The following CHN2 variants were observed in gnomAD, a reference collection of about 807,000 sequenced individuals.
CHN2 encodes the protein chimerin 2, also known as beta-chimaerin.
CHN2 carries 35 observed loss-of-function variants against 56.3 expected under a neutral mutation model. That is an observed-to-expected ratio of 0.62 (90% CI 0.47 to 0.82). The LOEUF is 0.82. Among genes scored for constraint, CHN2 ranks in the 40% least tolerant of loss-of-function variants. The pLI is 0.00. For synonymous variants in CHN2, 210 were observed against 212.8 expected, an observed-to-expected ratio of 0.99 and a Z score of 0.12; for missense variants, 491 against 580.5, an observed-to-expected ratio of 0.85 and a Z score of 1.58.
intron 1 of CHN2, among the ~76,000 whole-genome samples, chr7:29,339,364 C>A (rs531725646): frequency 6.6e-6 from 1 of 152,216 alleles, no homozygotes; most frequent in African/African-American, 2.4e-5. Flanking sequence ...ACAACCTCAG[C>A]CCTTAGCAGT....
chr7:29,334,334 A>G (rs1796453616), intron 1 of CHN2, among the ~76,000 whole-genome samples: 1 of 152,160 alleles, frequency 6.6e-6, no homozygotes, highest in East Asian at 1.9e-4. Context: ...CCTAAATTCA[A>G]TTTCATAGTG....
intron 1 of CHN2, among the ~76,000 whole-genome samples, chr7:29,221,158 G>A (rs768232451): frequency 6.6e-6 from 1 of 152,134 alleles, no homozygotes; most frequent in Non-Finnish European, 1.5e-5. Flanking sequence ...ATTTCTCCGA[G>A]TTTGGGAACA....
At chr7:29,266,432 C>T (rs1395754634) in intron 1 of CHN2, among the ~76,000 whole-genome samples, 2 of 152,174 alleles carry the variant, frequency 1.3e-5, no homozygotes, top group Non-Finnish European at 2.9e-5. Context: ...GAGAGACCAG[C>T]AACAGCTTTT....
At chr7:29,151,667 A>G (rs1584436632) in intron 2 of CHN2, among the ~76,000 whole-genome samples, 4 of 152,140 alleles carry the variant, frequency 2.6e-5, no homozygotes, top group Admixed American at 2.6e-4. Context: ...TGTGCTCAGG[A>G]TAGTATCTGA....
chr7:29,370,561 A>C (rs1013939240), intron 3 of CHN2, among the ~76,000 whole-genome samples: 1 of 151,328 alleles, frequency 6.6e-6, no homozygotes, highest in Non-Finnish European at 1.5e-5. Flanking sequence ...CTTCCCAGCT[A>C]CTCTTCCCTG....
At chr7:29,500,179 T>G in intron 9 of CHN2, 139 bp downstream of exon 9, 1 of 522,540 alleles carries the variant, frequency 1.9e-6, no homozygotes, top group South Asian at 4.6e-5. Flanking sequence ...ACACACACTC[T>G]CTCTCTCTCA....
chr7:29,476,546 A>C (rs1034354591), intron 6 of CHN2, among the ~76,000 whole-genome samples: 1 of 122,786 alleles, frequency 8.1e-6, no homozygotes, highest in Non-Finnish European at 1.6e-5. Context: ...CAAAAAAAAA[A>C]CCACCAATAA....
intron 1 of CHN2, among the ~76,000 whole-genome samples, chr7:29,268,802 GAGTCTGTTGCTTCTACCTGATGGGTA>G (rs1790374103): frequency 6.6e-6 from 1 of 152,238 alleles, no homozygotes; most frequent in Admixed American, 6.5e-5. Context: ...GAAAGGAAGG[GAGTCTGTTGCTTCTACCTGATGGGTA>G]AGAGGAAACA....
chr7:29,478,975 C>T (rs1786846650), intron 6 of CHN2, among the ~76,000 whole-genome samples: 1 of 152,158 alleles, frequency 6.6e-6, no homozygotes, highest in African/African-American at 2.4e-5. Context: ...GGGACTGCAG[C>T]ATGGGGCCCT....
At chr7:29,213,356 G>C (rs901704684) in intron 1 of CHN2, 1 of 645,558 alleles carries the variant, frequency 1.5e-6, no homozygotes, top group African/African-American at 1.8e-5. Context: ...CAGTCAATTT[G>C]ATGGAGGATA....
intron 1 of CHN2, among the ~76,000 whole-genome samples, chr7:29,317,601 A>G (rs1030937278): frequency 2.0e-5 from 3 of 152,216 alleles, no homozygotes; most frequent in Non-Finnish European, 4.4e-5. Flanking sequence ...AAAACAGTTC[A>G]TTCATTCATT....
At chr7:29,392,448 G>A (rs1427603640) in intron 3 of CHN2, among the ~76,000 whole-genome samples, 1 of 152,154 alleles carries the variant, frequency 6.6e-6, no homozygotes, top group Non-Finnish European at 1.5e-5. Flanking sequence ...ACACCGAGCA[G>A]GCTTTGAACC....
intron 7 of CHN2, among the ~76,000 whole-genome samples, chr7:29,487,085 T>C (rs1226315942): frequency 6.6e-6 from 1 of 152,192 alleles, no homozygotes; most frequent in Non-Finnish European, 1.5e-5. Flanking sequence ...CCCAGGTGTC[T>C]ATCACCCTTT....
At chr7:29,254,322 A>C (rs1336219106) in intron 1 of CHN2, among the ~76,000 whole-genome samples, 1 of 152,216 alleles carries the variant, frequency 6.6e-6, no homozygotes, top group Non-Finnish European at 1.5e-5. Flanking sequence ...TTGTTAAGTG[A>C]ATTAATGGAG....
At chr7:29,455,149 G>A (rs1460765250) in intron 6 of CHN2, among the ~76,000 whole-genome samples, 1 of 152,110 alleles carries the variant, frequency 6.6e-6, no homozygotes, top group African/African-American at 2.4e-5. Context: ...AGTTAGCTGA[G>A]AAGAAATGCA....
intron 2 of CHN2, 61 bp downstream of exon 2, chr7:29,354,724 T>C (rs562936976): frequency 4.7e-6 from 7 of 1,498,318 alleles, no homozygotes; most frequent in Admixed American, 1.7e-5. Flanking sequence ...TTCTGAACAA[T>C]TCTTGCCAGC....
At chr7:29,303,415 C>T (rs1236032313) in intron 1 of CHN2, among the ~76,000 whole-genome samples, 3 of 152,322 alleles carry the variant, frequency 2.0e-5, no homozygotes, top group African/African-American at 7.2e-5. Flanking sequence ...ACCAAGCAGA[C>T]GTATCCACCC....
At chr7:29,365,200 T>C (rs986459018) in intron 2 of CHN2, among the ~76,000 whole-genome samples, 2 of 152,234 alleles carry the variant, frequency 1.3e-5, no homozygotes, top group African/African-American at 4.8e-5. Flanking sequence ...AGCCCTGTAC[T>C]TACTGTACTA....
chr7:29,147,065 C>G (rs1195397781), intron 2 of CHN2: 31 of 1,455,258 alleles, frequency 2.1e-5, no homozygotes, highest in Non-Finnish European at 9.2e-7. Context: ...ACCCATTTTG[C>G]AATTGGGGGA....
Sources: allele counts gnomAD v4.1 joint callset (sites outside exome capture counted in the v4.1 genomes callset), GRCh38; gene constraint gnomAD v4.1.1; transcripts MANE v1.5; gene names NCBI Gene and HGNC (gene_info 2026-07-23, HGNC 2026-07-21).